Variants in OARD1 observed in about 807,000 individuals in gnomAD.
OARD1 encodes the protein O-acyl-ADP-ribose deacylase 1, also known as ADP-ribose glycohydrolase OARD1.
A neutral mutation model predicts 19.7 loss-of-function variants in OARD1; 19 were observed. The ratio of observed to expected loss-of-function variants is 0.96; its 90% CI spans 0.67 to 1.41. The LOEUF is 1.41. OARD1 is among the 40% of genes most tolerant of loss of function. OARD1 has a pLI of 0.00. For synonymous variants in OARD1, 70 were observed against 61.8 expected (o/e 1.13, Z -0.62); for missense variants, 190 against 183.8 (o/e 1.03, Z -0.20).
intron 1 of OARD1, among the ~76,000 whole-genome samples, chr6:41,088,228 T>G (rs969088256): frequency 1.5e-4 from 22 of 151,600 alleles, no homozygotes; most frequent in African/African-American, 5.3e-4. Context: ...ACCATCCTGG[T>G]TAACACAGTG....
intron 1 of OARD1, among the ~76,000 whole-genome samples, chr6:41,079,423 T>C (rs1331363013): frequency 6.6e-6 from 1 of 152,212 alleles, no homozygotes. Flanking sequence ...CAGATGGAAA[T>C]TTGGACTTTA....
Position 41,067,449 on chromosome 6 carries a change from A to G in OARD1, c.357-12T>C. The G allele has an allele frequency of 6.4e-7, 1 of 1,570,922 alleles. No homozygotes were observed. Among genetic ancestry groups the G allele is most frequent in the Non-Finnish European group, 8.8e-7 (1 of 1,141,128 alleles). On this transcript the variant is annotated splice_polypyrimidine_tract_variant and intron_variant, in intron 5 of 5. Coordinates refer to ENST00000424266, the MANE Select transcript of OARD1 (RefSeq NM_001329686.2). ...GACCACATCCAATCCTGAAAAAGAC[A>G]AAATATCTCCATTGATGGTAACGAA...
Position 41,067,048 on chromosome 6 carries a change from G to A in OARD1, c.*287C>T. 1 of 199,632 alleles carries A rather than the reference G, an allele frequency of 5.0e-6. No homozygotes were observed. 12.4% of individuals were successfully genotyped at this position (199,632 alleles called of 1,614,324 possible). On this transcript the variant is annotated 3_prime_UTR_variant, in exon 6 of 6. Coordinates refer to ENST00000424266, the MANE Select transcript of OARD1 (RefSeq NM_001329686.2). ...AGTGGCCAGCCAAACAAATCAGGTA[G>A]CATACTGGAGAAAAAGGTCATAGTC...
rs1024684451 is a variant in OARD1, at chr6:41,089,845, C to T, written c.-42+7868G>A. 47 of 1,243,906 alleles carry T rather than the reference C, an allele frequency of 3.8e-5. No homozygotes were observed. The African/African-American group carries it at 3.8e-4, about 10-fold the overall frequency. The allele number at this position is 1,243,906 out of a possible 1,614,324, so 77.1% of individuals were successfully genotyped here. A position where few individuals can be genotyped will look rare whatever the true frequency, so the allele number is the denominator to read the frequency against. On this transcript the variant is annotated intron_variant, in intron 1 of 4. Coordinates refer to the OARD1 transcript ENST00000480585. ...ATAAAAAAATATATTTTTGGCCGGG[C>T]GCGGTGGCTCATGCCTGTAATCCCA...
chr6:41,092,983 A>G, intron 1 of OARD1: 1 of 1,614,124 alleles, frequency 6.2e-7, no homozygotes. Context: ...TGCTTGAAGA[A>G]GAGCCTCTCT....
chr6:41,075,970 A>G (rs1394271854), upstream of OARD1, among the ~76,000 whole-genome samples: 1 of 152,222 alleles, frequency 6.6e-6, no homozygotes, highest in Non-Finnish European at 1.5e-5. Context: ...GAAAGCTCCA[A>G]TCCAGAAATC....
At chr6:41,089,374 A>G (rs1764137362) in intron 1 of OARD1, among the ~76,000 whole-genome samples, 1 of 152,238 alleles carries the variant, frequency 6.6e-6, no homozygotes, top group Non-Finnish European at 1.5e-5. Flanking sequence ...TGTTAATATC[A>G]GGTATCCAGA....
At chr6:41,093,455 A>G (rs945961261) in intron 1 of OARD1, among the ~76,000 whole-genome samples, 1 of 152,004 alleles carries the variant, frequency 6.6e-6, no homozygotes, top group Non-Finnish European at 1.5e-5. Flanking sequence ...GAAAGGGAAC[A>G]AGAAAGGTAC....
chr6:41,075,667 T>C (rs1304876220), upstream of OARD1: 1 of 151,922 alleles, frequency 6.6e-6, no homozygotes, highest in Non-Finnish European at 1.5e-5. Context: ...TAAATCTTTC[T>C]CACACTTAAG....
At chr6:41,070,970 G>C in intron 3 of OARD1, 162 bp downstream of exon 3, 1 of 700,842 alleles carries the variant, frequency 1.4e-6, no homozygotes, top group Non-Finnish European at 2.5e-6. Flanking sequence ...GTTGGGTTTT[G>C]ATATGGTAAA....
intron 1 of OARD1, among the ~76,000 whole-genome samples, chr6:41,084,578 C>G (rs891973510): frequency 2.9e-4 from 44 of 152,316 alleles, no homozygotes; most frequent in Non-Finnish European, 4.4e-4. Flanking sequence ...TAAATAAAAT[C>G]TAGATTGTTT....
At chr6:41,073,787 C>T (rs925577262), upstream of OARD1, among the ~76,000 whole-genome samples, 3 of 152,132 alleles carry the variant, frequency 2.0e-5, no homozygotes, top group Admixed American at 1.3e-4. Flanking sequence ...TCCGCCGCGC[C>T]CCTCCTCCCA....
chr6:41,080,864 C>T lies in OARD1; in HGVS notation c.-41-9189G>A, dbSNP rs138225735. 90 of 1,613,978 alleles carry T rather than the reference C, an allele frequency of 5.6e-5. No individual in the cohort carries two copies. The African/African-American group carries it at 7.2e-4, about 13-fold the overall frequency. On this transcript the variant is annotated intron_variant, in intron 1 of 4. Transcript: ENST00000480585. The stretch of plus-strand genomic sequence containing the variant: ...TGCAGACTGAGGCCCAGGTGGCATC[C>T]GCCTCAGGCCAGCAAGTCCAGACCC...
At chr6:41,086,284 C>G (rs1321330957) in intron 1 of OARD1, among the ~76,000 whole-genome samples, 3 of 152,052 alleles carry the variant, frequency 2.0e-5, no homozygotes, top group South Asian at 4.1e-4. Flanking sequence ...TTTGCTCATC[C>G]AAAAATAAAA....
Position 41,085,117 on chromosome 6 carries a change from CATT to C in OARD1, c.-42+12593_-42+12595del, listed in dbSNP as rs553799334. Among the ~76,000 whole-genome samples the C allele has an allele frequency of 1.8e-3, 267 of 152,094 alleles. 3 individuals are homozygous for C. Among genetic ancestry groups the C allele is most frequent in the African/African-American group, 5.6e-3 (234 of 41,498 alleles). ...ATGGATGTGGAGAAAAAGAATTAAT[CATT>C]ATTTTTGGTAATTTAAAACTGTAGA... On this transcript the variant is annotated intron_variant, in intron 1 of 4. Transcript: ENST00000480585.
intron 1 of OARD1, chr6:41,091,808 C>T: frequency 4.3e-6 from 5 of 1,155,082 alleles, no homozygotes; most frequent in Non-Finnish European, 4.9e-6. Context: ...CCTTAAGGCA[C>T]TGTCGGTAAT....
intron 1 of OARD1, among the ~76,000 whole-genome samples, chr6:41,085,620 G>C (rs1764024262): frequency 6.6e-6 from 1 of 152,028 alleles, no homozygotes; most frequent in Non-Finnish European, 1.5e-5. Context: ...GTTTTCTGGA[G>C]GAATTTAAGT....
chr6:41,092,473 C>G (rs12211177), intron 1 of OARD1, among the ~76,000 whole-genome samples: 33,671 of 152,108 alleles, frequency 0.22, 5,401 homozygotes, highest in African/African-American at 0.45. Flanking sequence ...TTGTTTTTAC[C>G]TACATTTAGT....
rs75026772 is a variant in OARD1, at chr6:41,091,969, C to T, written c.-42+5744G>A. On this transcript the variant is annotated intron_variant, in intron 1 of 4. Coordinates refer to the OARD1 transcript ENST00000480585. ...GGAATTCTTTTCAGAATTCAAATAACGAAGGGAATTATATACTAATCTTTG... is the reference window on the plus strand; with the variant it reads ...GGAATTCTTTTCAGAATTCAAATAATGAAGGGAATTATATACTAATCTTTG... 4.0e-3 allele frequency among the ~76,000 whole-genome samples: 610 copies of T among 151,940 alleles called. 9 individuals carry two copies. The highest frequency in any genetic ancestry group is 0.014 in the African/African-American group (573 of 41,426).
Sources: allele counts gnomAD v4.1 joint callset (sites outside exome capture counted in the v4.1 genomes callset), GRCh38; gene constraint gnomAD v4.1.1; transcripts MANE v1.5; gene names NCBI Gene and HGNC (gene_info 2026-07-23, HGNC 2026-07-21).